Variants in ATRN observed in about 807,000 individuals in gnomAD.
ATRN encodes the protein attractin.
In ATRN, 54 loss-of-function variants were observed where a neutral mutation model predicts 178.7. The observed-to-expected ratio is 0.30, with a 90% CI of 0.24 to 0.38. The LOEUF is 0.38. Among genes scored for constraint, ATRN ranks in the 10% least tolerant of loss-of-function variants. The pLI, the probability that ATRN is intolerant of heterozygous loss-of-function variation, is 1.00. For missense variants in ATRN, 1,443 were observed against 1,815.1 expected (o/e 0.79, Z 3.73); for synonymous variants, 636 against 663.0 (o/e 0.96, Z 0.63).
In ATRN at chr20:3,650,341, G is replaced by A. The variant is rs183206794; in HGVS notation, c.*3494G>A. The A allele has an allele frequency of 9.8e-5, 15 of 152,710 alleles. No homozygotes were observed. The highest frequency in any genetic ancestry group is 2.1e-4 in the South Asian group (1 of 4,822). 9.5% of individuals were successfully genotyped at this position (152,710 alleles called of 1,614,324 possible). ...AAGTATTTGCTAAACACTAACTTAA[G>A]CTAATGCTAGGGTAGTGACTGAGAT... On this transcript the variant is annotated 3_prime_UTR_variant, in exon 29 of 29. Coordinates refer to ENST00000262919, the MANE Select transcript of ATRN (RefSeq NM_139321.3).
rs2085484751 is a variant in ATRN, at chr20:3,533,645, T to C, written c.411-1608T>C. ...ACAGAGCAATAGTATAGAACAGCAT[T>C]AGGTCCCTGATGATCATGGAAATGC... is the stretch of plus-strand genomic sequence containing the variant. On this transcript the variant is annotated intron_variant, in intron 1 of 28. Coordinates refer to ENST00000262919, the MANE Select transcript of ATRN (RefSeq NM_139321.3). Among the ~76,000 whole-genome samples, 5 of 152,166 alleles carry C rather than the reference T, an allele frequency of 3.3e-5. No individual in the cohort carries two copies. The Middle Eastern group carries it at 0.014, about 414-fold the overall frequency.
rs890344422 is a variant in ATRN at position 3,582,443 on chromosome 20, A to G, written c.2764+89A>G. On this transcript the variant is annotated intron_variant, in intron 16 of 28. Coordinates refer to ENST00000262919, the MANE Select transcript of ATRN (RefSeq NM_139321.3). The stretch of plus-strand genomic sequence containing the variant: ...AGTTCATTGCTGAGATGTGTGAAGT[A>G]GTCATGAAAACAGATGAAGTATTGA... 5.0e-6 allele frequency: 6 copies of G among 1,197,222 alleles called. No individual in the cohort carries two copies. In the African/African-American group the frequency reaches 9.0e-5, roughly 18 times the overall value. 74.2% of individuals were successfully genotyped at this position (1,197,222 alleles called of 1,614,324 possible). A position where few individuals can be genotyped will look rare whatever the true frequency, so the allele number is the denominator to read the frequency against.
chr20:3,555,517 A>G (rs1035243539), intron 6 of ATRN, among the ~76,000 whole-genome samples: 9 of 151,194 alleles, frequency 6.0e-5, no homozygotes, highest in African/African-American at 1.2e-4. Flanking sequence ...CAGAGCTTCT[A>G]TTTAAATTAG....
At chr20:3,577,107 T>G (rs1377913627) in intron 14 of ATRN, 110 bp downstream of exon 14, 1 of 1,342,558 alleles carries the variant, frequency 7.4e-7, no homozygotes, top group Non-Finnish European at 1.0e-6. Context: ...GCTAATTCTG[T>G]CCATTCATCC....
At chr20:3,558,540 G>GT (rs10708444) in intron 6 of ATRN, among the ~76,000 whole-genome samples, 3 of 150,734 alleles carry the variant, frequency 2.0e-5, no homozygotes, top group Non-Finnish European at 4.4e-5. Flanking sequence ...ATTTCTTTTT[G>GT]TTTTTTTTTC....
At chr20:3,558,691 CTTTA>C (rs1397008593) in intron 6 of ATRN, among the ~76,000 whole-genome samples, 2 of 151,672 alleles carry the variant, frequency 1.3e-5, no homozygotes, top group African/African-American at 4.8e-5. Flanking sequence ...ACTTTTAGCT[CTTTA>C]TTCTTTGTAT....
intron 1 of ATRN, among the ~76,000 whole-genome samples, chr20:3,496,612 GA>G (rs1043120080): frequency 1.3e-5 from 2 of 152,082 alleles, no homozygotes; most frequent in African/African-American, 4.8e-5. Context: ...TGTGGTGCTG[GA>G]AAAAAATGTA....
intron 6 of ATRN, among the ~76,000 whole-genome samples, chr20:3,557,530 A>G (rs143000056): frequency 8.5e-5 from 13 of 152,316 alleles, no homozygotes; most frequent in Admixed American, 1.3e-4. Flanking sequence ...TATGAGCTCT[A>G]CTTAAACAAA....
intron 1 of ATRN, among the ~76,000 whole-genome samples, chr20:3,518,121 G>A (rs1343259529): frequency 1.3e-5 from 2 of 152,150 alleles, no homozygotes; most frequent in Non-Finnish European, 2.9e-5. Flanking sequence ...TCCATACTTT[G>A]TTAGACTGGT....
intron 1 of ATRN, among the ~76,000 whole-genome samples, chr20:3,513,031 G>A (rs2085158055): frequency 6.6e-6 from 1 of 152,102 alleles, no homozygotes; most frequent in African/African-American, 2.4e-5. Flanking sequence ...TGAGTAGGTT[G>A]CAAAAATTTT....
At chr20:3,606,557 T>C (rs634346) in intron 24 of ATRN, among the ~76,000 whole-genome samples, 17,699 of 152,218 alleles carry the variant, frequency 0.12, 1,641 homozygotes, top group African/African-American at 0.26. Flanking sequence ...CAAAGCTCCC[T>C]GCGTTCGGTG....
At chr20:3,512,108 T>TATATATATATA (rs1491340714) in intron 1 of ATRN, among the ~76,000 whole-genome samples, 3 of 100,760 alleles carry the variant, frequency 3.0e-5, no homozygotes, top group African/African-American at 1.4e-4. Flanking sequence ...TATATATATA[T>TATATATATATA]TTTTTTTTTT....
At chr20:3,599,703 G>A (rs2086581931) in intron 22 of ATRN, among the ~76,000 whole-genome samples, 1 of 152,190 alleles carries the variant, frequency 6.6e-6, no homozygotes, top group African/African-American at 2.4e-5. Context: ...GCGGACTGGA[G>A]TATGTGTGGA....
At chr20:3,496,141 C>G (rs938790743) in intron 1 of ATRN, among the ~76,000 whole-genome samples, 2 of 151,796 alleles carry the variant, frequency 1.3e-5, no homozygotes, top group Non-Finnish European at 2.9e-5. Flanking sequence ...TTTTTTGTGT[C>G]TCTATTTCCT....
intron 3 of ATRN, among the ~76,000 whole-genome samples, chr20:3,544,434 A>G (rs2085668618): frequency 6.6e-6 from 1 of 152,302 alleles, no homozygotes; most frequent in Middle Eastern, 3.4e-3. Flanking sequence ...GTGAATGAGC[A>G]TGAGGTTGTG....
At position 3,471,071 on chromosome 20, in the gene ATRN, GTA is replaced by G. The variant is rs2084410359; in HGVS notation, c.-35_-34del. 5 of 1,501,224 alleles carry G rather than the reference GTA, an allele frequency of 3.3e-6. No homozygotes were observed. The highest frequency in any genetic ancestry group is 1.4e-5 in the African/African-American group (1 of 69,060). 93.0% of individuals were successfully genotyped at this position (1,501,224 alleles called of 1,614,324 possible). ...GCGGAGCCGGCCGTGCGGTGTGTGT[GTA>G]TGTGTTCGCGGGGCGCCGTCTCAGC... On this transcript the variant is annotated 5_prime_UTR_variant, in exon 1 of 29. An upstream start codon of the reference 5' UTR is lost. Transcript: ENST00000262919.
At chr20:3,518,618 A>G (rs1167620006) in intron 1 of ATRN, among the ~76,000 whole-genome samples, 2 of 152,202 alleles carry the variant, frequency 1.3e-5, no homozygotes. Flanking sequence ...ATTAAAGCTC[A>G]ATAAAACTCT....
intron 19 of ATRN, 125 bp downstream of exon 19, chr20:3,591,431 T>C (rs1485531192): frequency 4.1e-6 from 5 of 1,215,644 alleles, no homozygotes; most frequent in East Asian, 2.4e-5. Context: ...TATTAAATCA[T>C]ACTGGTCAGA....
In ATRN at chr20:3,545,814, G is replaced by A. The variant is rs2085692776; in HGVS notation, c.661G>A (p.Ala221Thr). ...DGNETVPEVV[A>T]TSGYALLHFF... is the part of the protein sequence containing the mutation. ...CAATGAGACTGTCCCTGAGGTTGTT[G>A]CCACATCAGGTTATGCCTTGCTGCA... is the stretch of plus-strand genomic sequence containing the variant. Residue 221 changes from alanine to threonine, a missense_variant, in exon 4 of 29, where the codon GCC becomes ACC. Ala to Thr is a moderately conservative substitution (Grantham distance 58, BLOSUM62 0). This residue lies in a region of ATRN where 862 missense variants were observed against 972.1 expected (regional missense o/e 0.89). Transcript: ENST00000262919. 1.2e-6 allele frequency: 2 copies of A among 1,613,974 alleles called. No individual in the cohort carries two copies. The highest frequency in any genetic ancestry group is 1.7e-6 in the Non-Finnish European group (2 of 1,179,868).
Sources: allele counts gnomAD v4.1 joint callset (sites outside exome capture counted in the v4.1 genomes callset), GRCh38; gene constraint gnomAD v4.1.1; regional missense constraint gnomAD v4.1.1; transcripts MANE v1.5; gene names NCBI Gene and HGNC (gene_info 2026-07-23, HGNC 2026-07-21).